Variants in LRBA observed in about 807,000 individuals in gnomAD.
The protein encoded by LRBA is LPS responsive beige-like anchor protein, also known as lipopolysaccharide-responsive and beige-like anchor protein.
In LRBA, 176 loss-of-function variants were observed where a neutral mutation model predicts 330.0. The ratio of observed to expected loss-of-function variants is 0.53; its 90% CI spans 0.47 to 0.60. The LOEUF (loss-of-function observed/expected upper bound fraction) is 0.60, where lower values mean the gene tolerates loss of function less well. Among genes scored for constraint, LRBA ranks in the 20% least tolerant of loss-of-function variants. The pLI is 0.00. For synonymous variants in LRBA, 1,230 were observed against 1,193.0 expected, an observed-to-expected ratio of 1.03 and a Z score of -0.64; for missense variants, 3,259 against 3,444.8, an observed-to-expected ratio of 0.95 and a Z score of 1.35.
At chr4:150,316,501 GATTATCTTTT>G (rs1180986905) in intron 50 of LRBA, among the ~76,000 whole-genome samples, 1 of 152,104 alleles carries the variant, frequency 6.6e-6, no homozygotes, top group African/African-American at 2.4e-5. Flanking sequence ...GTTCAGAATA[GATTATCTTTT>G]CAGCTTCATA....
chr4:150,391,495 C>G lies in LRBA; in HGVS notation c.7194+23943G>C, dbSNP rs75275972. Among the ~76,000 whole-genome samples, 533 of 152,252 alleles carry G rather than the reference C, an allele frequency of 3.5e-3. 28 individuals carry two copies. In the East Asian group the frequency reaches 0.095, roughly 27 times the overall value. ...GAAGCCCTAAAAGATCAATTACACT[C>G]AAACATGAGAAGCATTTCTTAGGGT... On this transcript the variant is annotated intron_variant, in intron 47 of 56. Transcript: ENST00000651943.
intron 40 of LRBA, among the ~76,000 whole-genome samples, chr4:150,518,132 T>A (rs912987881): frequency 2.0e-5 from 3 of 152,190 alleles, no homozygotes; most frequent in African/African-American, 7.2e-5. Context: ...CTTTAGCATA[T>A]CTCAATTGCC....
In LRBA at chr4:150,685,387, AATATATATATATAT is replaced by A. The variant is rs781582762; in HGVS notation, c.5755-1684_5755-1671del. Reference sequence around the variant, plus strand: ...GTATATGTACATGCATAAGGAATCAAATATATATATATATATATATATATATATATATATTTTTT... The same window carrying A: ...GTATATGTACATGCATAAGGAATCAAATATATATATATATATATATTTTTT... On this transcript the variant is annotated intron_variant, in intron 36 of 56. Transcript: ENST00000651943. 3.3e-3 allele frequency among the ~76,000 whole-genome samples: 41 copies of A among 12,330 alleles called. 2 individuals are homozygous for A. Among genetic ancestry groups the A allele is most frequent in the Middle Eastern group, 0.1 (1 of 10 alleles). 8.1% of individuals were successfully genotyped at this position (12,330 alleles called of 152,430 possible). A position where few individuals can be genotyped will look rare whatever the true frequency, so the allele number is the denominator to read the frequency against.
chr4:150,294,185 CT>C (rs1423136949), intron 53 of LRBA, among the ~76,000 whole-genome samples: 1 of 152,126 alleles, frequency 6.6e-6, no homozygotes, highest in African/African-American at 2.4e-5. Flanking sequence ...CAAGTGTATA[CT>C]TAAAAGTATA....
At chr4:150,480,550 C>A (rs2152080404) in intron 42 of LRBA, among the ~76,000 whole-genome samples, 1 of 152,062 alleles carries the variant, frequency 6.6e-6, no homozygotes, top group Non-Finnish European at 1.5e-5. Context: ...AATGCTATAG[C>A]ACATACTAAA....
At chr4:150,339,748 C>T (rs1016240340) in intron 48 of LRBA, among the ~76,000 whole-genome samples, 3 of 151,734 alleles carry the variant, frequency 2.0e-5, no homozygotes, top group Non-Finnish European at 2.9e-5. Context: ...TAGATTTACA[C>T]AGCAACATTT....
chr4:150,984,471 T>A (rs1741208926), intron 2 of LRBA, among the ~76,000 whole-genome samples: 1 of 151,818 alleles, frequency 6.6e-6, no homozygotes, highest in South Asian at 2.1e-4. Context: ...ATTGCGCCAT[T>A]GCACTCCAGC....
Position 150,828,198 on chromosome 4 carries a change from T to C in LRBA, c.5153A>G (p.Gln1718Arg), listed in dbSNP as rs781676334. The change falls in exon 30 of 57, where the codon CAG becomes CGG. Residue 1718 changes from glutamine (Q) to arginine (R), a missense_variant. Physicochemically the swap from Gln to Arg is conservative, Grantham distance 43 (BLOSUM62 1). Transcript: ENST00000651943. ...LGDLSVEQPV[Q>R]FRSFDRSVIV... Reference sequence around the variant, plus strand: ...TCAGTACCTGTCAAAAGATCTGAACTGCACGGGTTGTTCCACAGATAGATC... The same window carrying C: ...TCAGTACCTGTCAAAAGATCTGAACCGCACGGGTTGTTCCACAGATAGATC... The C allele has an allele frequency of 3.1e-6, 5 of 1,614,044 alleles. No homozygotes were observed. The highest frequency in any genetic ancestry group is 1.1e-5 in the South Asian group (1 of 91,082).
intron 40 of LRBA, among the ~76,000 whole-genome samples, chr4:150,566,437 T>C (rs1330380339): frequency 6.6e-6 from 1 of 152,072 alleles, no homozygotes; most frequent in African/African-American, 2.4e-5. Flanking sequence ...GGATATAAGA[T>C]AATTCATGAA....
intron 35 of LRBA, among the ~76,000 whole-genome samples, chr4:150,751,958 A>AC (rs1371153269): frequency 2.0e-5 from 3 of 151,968 alleles, no homozygotes; most frequent in Admixed American, 6.6e-5. Context: ...GCTTTCTGTG[A>AC]CCCCCATTAG....
intron 50 of LRBA, among the ~76,000 whole-genome samples, chr4:150,320,420 CTT>C (rs11290413): frequency 2.6e-5 from 4 of 150,970 alleles, no homozygotes; most frequent in Admixed American, 1.3e-4. Flanking sequence ...TTTAAGTGTT[CTT>C]TTTTTTTTCT....
At chr4:150,406,709 T>C (rs932555142) in intron 47 of LRBA, among the ~76,000 whole-genome samples, 1 of 152,130 alleles carries the variant, frequency 6.6e-6, no homozygotes, top group African/African-American at 2.4e-5. Flanking sequence ...CAGGAAGATA[T>C]CAGGTCCTAC....
At chr4:150,598,022 C>A (rs1773694284) in intron 38 of LRBA, among the ~76,000 whole-genome samples, 1 of 152,040 alleles carries the variant, frequency 6.6e-6, no homozygotes, top group Non-Finnish European at 1.5e-5. Context: ...GGTTAAGCTG[C>A]CTGACTGAGG....
intron 47 of LRBA, among the ~76,000 whole-genome samples, chr4:150,409,373 T>C (rs1746638814): frequency 6.6e-6 from 1 of 152,132 alleles, no homozygotes; most frequent in South Asian, 2.1e-4. Context: ...CCTAGGAAAC[T>C]AATAAAATAA....
chr4:150,977,748 G>T (rs1294834198), intron 2 of LRBA, among the ~76,000 whole-genome samples: 1 of 152,192 alleles, frequency 6.6e-6, no homozygotes, highest in Non-Finnish European at 1.5e-5. Flanking sequence ...AGCGAACATT[G>T]GCAGTAACCT....
intron 40 of LRBA, among the ~76,000 whole-genome samples, chr4:150,506,652 C>T (rs1761128391): frequency 1.3e-5 from 2 of 152,212 alleles, no homozygotes; most frequent in Admixed American, 1.3e-4. Context: ...GAGGCATTCC[C>T]TTTGAAAACT....
chr4:150,806,541 C>T, intron 32 of LRBA, 137 bp from the exon 33 acceptor site: 1 of 395,664 alleles, frequency 2.5e-6, no homozygotes, highest in Non-Finnish European at 4.1e-6. Context: ...GACATTACTG[C>T]TATGCATAGC....
At chr4:150,630,665 G>A (rs1777288355) in intron 37 of LRBA, among the ~76,000 whole-genome samples, 1 of 152,072 alleles carries the variant, frequency 6.6e-6, no homozygotes, top group African/African-American at 2.4e-5. Flanking sequence ...TGGTTGAATA[G>A]TATGATAATA....
chr4:150,777,865 TCAGGAGGCTGAGG>T (rs1411942863), intron 34 of LRBA, among the ~76,000 whole-genome samples: 1 of 150,148 alleles, frequency 6.7e-6, no homozygotes, highest in East Asian at 2.0e-4. Flanking sequence ...TCCCAGCTAC[TCAGGAGGCTGAGG>T]CAGGAGAATC....
Sources: allele counts gnomAD v4.1 joint callset (sites outside exome capture counted in the v4.1 genomes callset), GRCh38; gene constraint gnomAD v4.1.1; transcripts MANE v1.5; gene names NCBI Gene and HGNC (gene_info 2026-07-23, HGNC 2026-07-21).